The following IZUMO2 variants were observed in gnomAD, a reference collection of about 807,000 sequenced individuals.
The protein encoded by IZUMO2 is izumo sperm-egg fusion protein 2.
Under a neutral mutation model 31.2 loss-of-function variants are expected in IZUMO2, and 24 were observed. The ratio of observed to expected loss-of-function variants is 0.77; its 90% CI spans 0.56 to 1.08. The LOEUF (loss-of-function observed/expected upper bound fraction) is 1.08, where lower values mean the gene tolerates loss of function less well. IZUMO2 is among the 50% of genes least tolerant of loss of function. IZUMO2 has a pLI of 0.00. For missense variants in IZUMO2, 278 were observed against 274.0 expected, an observed-to-expected ratio of 1.01 and a Z score of -0.10; for synonymous variants, 144 against 117.3, an observed-to-expected ratio of 1.23 and a Z score of -1.47.
At chr19:50,162,634 C>G in intron 2 of IZUMO2, 105 bp downstream of exon 2, 1 of 933,826 alleles carries the variant, frequency 1.1e-6, no homozygotes, top group Non-Finnish European at 1.7e-6. Flanking sequence ...AAAAAAAAGG[C>G]TACATTGCAT....
chr19:50,162,635 T>G, intron 2 of IZUMO2, 104 bp downstream of exon 2: 1 of 942,172 alleles, frequency 1.1e-6, no homozygotes, highest in South Asian at 1.4e-5. Flanking sequence ...AAAAAAAGGC[T>G]ACATTGCATG....
chr19:50,159,645 G>T (rs2030331324), intron 2 of IZUMO2, 65 bp from the exon 3 acceptor site: 1 of 909,264 alleles, frequency 1.1e-6, no homozygotes, highest in Admixed American at 2.0e-5. Context: ...ACTACCTGAA[G>T]CTTCCAGGAG....
intron 5 of IZUMO2, 46 bp from the exon 6 acceptor site, chr19:50,154,772 T>C (rs1227107453): frequency 6.2e-7 from 1 of 1,604,348 alleles, no homozygotes; most frequent in Non-Finnish European, 8.5e-7. Flanking sequence ...TCACCACCCC[T>C]CCTTAGCCCC....
chr19:50,152,659 G>C lies in IZUMO2; in HGVS notation c.624-8C>G. ...TGTCTGTATGTACAAGCCCTGGTCA[G>C]AGAGAAAAAGCCTGTAGATTAGAAT... is the stretch of plus-strand genomic sequence containing the variant. On this transcript the variant is annotated splice_polypyrimidine_tract_variant and splice_region_variant and intron_variant, in intron 6 of 6. Coordinates refer to ENST00000293405, the MANE Select transcript of IZUMO2 (RefSeq NM_152358.3). The C allele has an allele frequency of 1.2e-6, 2 of 1,610,868 alleles. No individual in the cohort carries two copies.
chr19:50,158,251 C>A lies in IZUMO2; in HGVS notation c.496+17G>T. The A allele has an allele frequency of 6.4e-7, 1 of 1,569,352 alleles. No individual in the cohort carries two copies. Among genetic ancestry groups the A allele is most frequent in the South Asian group, 1.1e-5 (1 of 88,962 alleles). ...TGCACGCCTGTCCCATGTCTTCCCCCACCCCCAGAAGCTTACCAAAGCAGT... is the reference window on the plus strand; with the variant it reads ...TGCACGCCTGTCCCATGTCTTCCCCAACCCCCAGAAGCTTACCAAAGCAGT... On this transcript the variant is annotated intron_variant, in intron 5 of 6. Coordinates refer to ENST00000293405, the MANE Select transcript of IZUMO2 (RefSeq NM_152358.3).
At position 50,159,576 on chromosome 19, in the gene IZUMO2, C is replaced by T; in HGVS notation, c.312G>A (p.Glu104=). The change falls in exon 3 of 7, where the codon GAG becomes GAA. Residue 104 remains glutamate, a synonymous_variant. Coordinates refer to ENST00000293405, the MANE Select transcript of IZUMO2 (RefSeq NM_152358.3). ...GGGTCACCAGCTCTTCCAGCAGAGGCTCATCTGAGGAGAGAAAGAGATCTC... is the reference window on the plus strand; with the variant it reads ...GGGTCACCAGCTCTTCCAGCAGAGGTTCATCTGAGGAGAGAAAGAGATCTC... The part of the protein sequence containing the change: ...QHLMGNSLKD[E]PLLEELVTLR... 6.2e-7 allele frequency: 1 copy of T among 1,610,260 alleles called. No individual in the cohort carries two copies. The highest frequency in any genetic ancestry group is 8.5e-7 in the Non-Finnish European group (1 of 1,176,616).
intron 2 of IZUMO2, chr19:50,160,345 C>A (rs1047094551): frequency 6.6e-6 from 1 of 152,094 alleles, no homozygotes; most frequent in Non-Finnish European, 1.5e-5. Context: ...GTGCAAAAAA[C>A]CTGTAAAATA....
At position 50,163,094 on chromosome 19, in the gene IZUMO2, T is replaced by C. The variant is rs202104569; in HGVS notation, c.101A>G (p.His34Arg). 457 of 1,612,202 alleles carry C rather than the reference T, an allele frequency of 2.8e-4. 1 individual carries two copies. The African/African-American group carries it at 5.5e-3, about 19-fold the overall frequency. Residue 34 changes from histidine (H) to arginine (R), a missense_variant, in exon 1 of 7, where the codon CAC becomes CGC. By Grantham distance (29) the His-to-Arg change is conservative (BLOSUM62 0). Coordinates refer to ENST00000293405, the MANE Select transcript of IZUMO2 (RefSeq NM_152358.3). ...ACTGGGGATGAGGGCGGAGCGCAGG[T>C]GACCCAGGGCCTCCAGCACCAAGGG... is the stretch of plus-strand genomic sequence containing the variant. The part of the protein sequence containing the change: ...CDPLVLEALG[H>R]LRSALIPSRF...
At chr19:50,159,445 G>T in intron 3 of IZUMO2, 49 bp downstream of exon 3, 1 of 1,385,732 alleles carries the variant, frequency 7.2e-7, no homozygotes. Flanking sequence ...AGGGGATCAA[G>T]AGGTCAAGGG....
intron 5 of IZUMO2, among the ~76,000 whole-genome samples, chr19:50,157,461 C>G (rs2030249684): frequency 6.6e-6 from 1 of 151,436 alleles, no homozygotes; most frequent in Non-Finnish European, 1.5e-5. Flanking sequence ...TGCCACCACG[C>G]TAGGGTAGTT....
intron 5 of IZUMO2, among the ~76,000 whole-genome samples, chr19:50,156,369 T>C (rs2030212276): frequency 6.6e-6 from 1 of 152,144 alleles, no homozygotes; most frequent in South Asian, 2.1e-4. Context: ...ATCTCAACAG[T>C]GCTGAGGTTG....
At position 50,158,251 on chromosome 19, in the gene IZUMO2, C is replaced by G. The variant is rs368981905; in HGVS notation, c.496+17G>C. 3 of 1,569,234 alleles carry G rather than the reference C, an allele frequency of 1.9e-6. No individual in the cohort carries two copies. The highest frequency in any genetic ancestry group is 1.4e-5 in the African/African-American group (1 of 73,648). On this transcript the variant is annotated intron_variant, in intron 5 of 6. Transcript: ENST00000293405. ...TGCACGCCTGTCCCATGTCTTCCCC[C>G]ACCCCCAGAAGCTTACCAAAGCAGT...
At chr19:50,156,364 A>C (rs2030212197) in intron 5 of IZUMO2, among the ~76,000 whole-genome samples, 1 of 152,168 alleles carries the variant, frequency 6.6e-6, no homozygotes, top group South Asian at 2.1e-4. Flanking sequence ...TCCAAATCTC[A>C]ACAGTGCTGA....
At chr19:50,152,807 T>C (rs907557626) in intron 6 of IZUMO2, among the ~76,000 whole-genome samples, 156 bp from the exon 7 acceptor site, 1 of 152,118 alleles carries the variant, frequency 6.6e-6, no homozygotes, top group African/African-American at 2.4e-5. Flanking sequence ...ATTTTCAGGG[T>C]TCTCTGCCAA....
In IZUMO2 at chr19:50,159,247, C is replaced by A. The variant is rs141774263; in HGVS notation, c.398G>T (p.Cys133Phe). Residue 133 changes from cysteine to phenylalanine, a missense_variant, in exon 4 of 7, where the codon TGC (cysteine) becomes TTC (phenylalanine). Physicochemically the swap from Cys to Phe is radical, Grantham distance 205. Transcript: ENST00000293405. Reference sequence around the variant, plus strand: ...GAACTCACGGCAAAGTTTGGGGTTGCAGGCTGCAAGAGAAAATTGCTGAGG... The same window carrying A: ...GAACTCACGGCAAAGTTTGGGGTTGAAGGCTGCAAGAGAAAATTGCTGAGG... ...KVLISYELKA[C>F]NPKLCRLLKE... is the part of the protein sequence containing the mutation. 154 of 1,610,964 alleles carry A rather than the reference C, an allele frequency of 9.6e-5. No homozygotes were observed. Among genetic ancestry groups the A allele is most frequent in the Non-Finnish European group, 1.3e-4 (154 of 1,179,206 alleles).
chr19:50,163,226 C>T lies in IZUMO2; in HGVS notation c.-32G>A. On this transcript the variant is annotated 5_prime_UTR_variant, in exon 1 of 7. Transcript: ENST00000293405. The stretch of plus-strand genomic sequence containing the variant: ...GCCTTTGTGACGTCACAGAGAGAAC[C>T]CGGCCCGCCCCGCCTCCCAGGCGAG... The T allele has an allele frequency of 2.0e-6, 3 of 1,504,050 alleles. No homozygotes were observed. Among genetic ancestry groups the T allele is most frequent in the Non-Finnish European group, 2.7e-6 (3 of 1,111,798 alleles). 93.2% of individuals were successfully genotyped at this position (1,504,050 alleles called of 1,614,324 possible).
chr19:50,159,274 G>T, intron 3 of IZUMO2, 24 bp from the exon 4 acceptor site: 1 of 1,609,112 alleles, frequency 6.2e-7, no homozygotes, highest in Non-Finnish European at 8.5e-7. Flanking sequence ...TTGCTGAGGT[G>T]AGTTAAATTG....
chr19:50,153,225 G>A (rs1184683780), intron 6 of IZUMO2, among the ~76,000 whole-genome samples: 1 of 152,158 alleles, frequency 6.6e-6, no homozygotes, highest in African/African-American at 2.4e-5. Context: ...AATGCCAGCA[G>A]CCACCAGCAG....
In IZUMO2 at chr19:50,162,797, G is replaced by T. The variant is rs1027711929; in HGVS notation, c.249C>A (p.Asp83Glu). 6.2e-7 allele frequency: 1 copy of T among 1,613,748 alleles called. No individual in the cohort carries two copies. Among genetic ancestry groups the T allele is most frequent in the African/African-American group, 1.3e-5 (1 of 74,880 alleles). The change falls in exon 2 of 7, where the codon GAC becomes GAA. Residue 83 changes from aspartate (D) to glutamate (E), a missense_variant. Asp to Glu is a conservative substitution (Grantham distance 45). Transcript: ENST00000293405. ...FVGKVETNQLDLVASFVKNQT... is the reference protein window; with the variant it reads ...FVGKVETNQLELVASFVKNQT... ...GGTTCTTGACAAAGGACGCCACAAG[G>T]TCCAGTTGATTTGTCTCTGGGGGGA...
Sources: allele counts gnomAD v4.1 joint callset (sites outside exome capture counted in the v4.1 genomes callset), GRCh38; gene constraint gnomAD v4.1.1; transcripts MANE v1.5; gene names NCBI Gene and HGNC (gene_info 2026-07-23, HGNC 2026-07-21).